The following MSI1 variants were observed in gnomAD, a reference collection of about 807,000 sequenced individuals.
The protein encoded by MSI1 is musashi RNA binding protein 1, also known as RNA-binding protein Musashi homolog 1.
MSI1 carries 15 observed loss-of-function variants against 54.4 expected under a neutral mutation model. That is an observed-to-expected ratio of 0.28 (90% CI 0.18 to 0.42). The LOEUF is 0.42. Among genes scored for constraint, MSI1 ranks in the 20% least tolerant of loss-of-function variants. MSI1 has a pLI of 1.00. For synonymous variants in MSI1, 200 were observed against 196.5 expected (o/e 1.02, Z -0.15); for missense variants, 304 against 506.0 (o/e 0.60, Z 3.83).
At chr12:120,340,131 G>A (rs1435994815), downstream of MSI1, among the ~76,000 whole-genome samples, 1 of 149,976 alleles carries the variant, frequency 6.7e-6, no homozygotes, top group African/African-American at 2.5e-5. Context: ...CCGTCACCCA[G>A]GCTGGAGTGC....
chr12:120,355,127 C>T (rs1009589513), intron 9 of MSI1, among the ~76,000 whole-genome samples: 34 of 151,208 alleles, frequency 2.2e-4, no homozygotes, highest in African/African-American at 7.5e-4. Flanking sequence ...GTATCAAGGC[C>T]GGGCGCGGTG....
rs536384120 is a variant in MSI1, at chr12:120,346,180, G to A, written c.1002C>T (p.Ser334=). The change falls in exon 13 of 15, where the codon AGC becomes AGT. Residue 334 remains serine (S), a synonymous_variant. Transcript: ENST00000257552. ...CGGTGCTGGGGGCAGGGCTGGCGGC[G>A]CTGATGTAACTGCTGACCCCCGAGT... ...NQDSGVSSYI[S]AASPAPSTGF... 6.1e-5 allele frequency: 97 copies of A among 1,598,854 alleles called. No homozygotes were observed. The Middle Eastern group carries it at 8.5e-4, about 14-fold the overall frequency.
intron 6 of MSI1, among the ~76,000 whole-genome samples, chr12:120,361,904 G>T (rs1432768235): frequency 6.6e-6 from 1 of 151,890 alleles, no homozygotes; most frequent in Non-Finnish European, 1.5e-5. Context: ...CCATGGCAAC[G>T]CCGGCCCCGG....
rs1874809494 is a variant in MSI1 at position 120,353,374 on chromosome 12, G to A, written c.658C>T (p.Pro220Ser). Reference protein sequence around the residue: ...FMLGIGMLGYPGFQATTYASR... With the variant: ...FMLGIGMLGYSGFQATTYASR... ...GCGTAGGTTGTGGCTTGGAAACCTGGGTAACCTGATGGGGCAAGGGGGCAG... is the reference window on the plus strand; with the variant it reads ...GCGTAGGTTGTGGCTTGGAAACCTGAGTAACCTGATGGGGCAAGGGGGCAG... Residue 220 changes from proline to serine, a missense_variant, in exon 10 of 15, where the codon CCA (proline) becomes TCA (serine). Coordinates refer to ENST00000257552, the MANE Select transcript of MSI1 (RefSeq NM_002442.4). 6.2e-7 allele frequency: 1 copy of A among 1,613,904 alleles called. No homozygotes were observed. Among genetic ancestry groups the A allele is most frequent in the South Asian group, 1.1e-5 (1 of 91,080 alleles).
intron 6 of MSI1, 129 bp from the exon 7 acceptor site, chr12:120,359,182 A>G: frequency 9.4e-7 from 1 of 1,063,894 alleles, no homozygotes; most frequent in East Asian, 2.6e-5. Context: ...TGCTCCCTGC[A>G]CAGGGGACAA....
At chr12:120,343,212 A>T (rs1873839419) in intron 14 of MSI1, 107 bp from the exon 15 acceptor site, 1 of 151,058 alleles carries the variant, frequency 6.6e-6, no homozygotes, top group African/African-American at 2.4e-5. Context: ...TCTTCTTCTT[A>T]TTTTTTTAGA....
intron 7 of MSI1, among the ~76,000 whole-genome samples, 179 bp downstream of exon 7, chr12:120,358,826 G>A (rs780293967): frequency 2.0e-5 from 3 of 152,140 alleles, no homozygotes; most frequent in African/African-American, 7.2e-5. Flanking sequence ...TCTGCAATTC[G>A]GCAAGTTTCT....
At chr12:120,362,999 T>G (rs372529681) in intron 6 of MSI1, 44 bp downstream of exon 6, 1 of 1,516,566 alleles carries the variant, frequency 6.6e-7, no homozygotes. Context: ...CATTCTACAG[T>G]GTGTTCACAG....
At chr12:120,357,083 T>C in intron 8 of MSI1, 64 bp from the exon 9 acceptor site, 1 of 1,395,048 alleles carries the variant, frequency 7.2e-7, no homozygotes, top group Non-Finnish European at 1.0e-6. Context: ...TCTTGTTCCC[T>C]GGAAAGCCCC....
At chr12:120,347,988 C>T (rs772605729) in intron 11 of MSI1, among the ~76,000 whole-genome samples, 11 of 152,296 alleles carry the variant, frequency 7.2e-5, no homozygotes, top group Admixed American at 3.9e-4. Flanking sequence ...GCCTGCTGCC[C>T]CCAGGTAGAG....
intron 11 of MSI1, among the ~76,000 whole-genome samples, chr12:120,349,963 G>C (rs546460825): frequency 2.0e-5 from 3 of 152,192 alleles, no homozygotes; most frequent in Admixed American, 2.0e-4. Context: ...TGCGAGTTCT[G>C]TGAGATCAGG....
intron 5 of MSI1, 92 bp from the exon 6 acceptor site, chr12:120,363,227 T>G: frequency 9.7e-7 from 1 of 1,035,132 alleles, no homozygotes. Context: ...GGATGCCAGC[T>G]GACAAGCTCT....
At chr12:120,343,672 T>C (rs1873877315) in intron 14 of MSI1, among the ~76,000 whole-genome samples, 1 of 152,234 alleles carries the variant, frequency 6.6e-6, no homozygotes, top group African/African-American at 2.4e-5. Flanking sequence ...AATTATCTCA[T>C]ATGTTCACTT....
rs1306462048 is a variant in MSI1 at position 120,342,519 on chromosome 12, GGGA to G, written c.*605_*607del. 7.2e-5 allele frequency: 11 copies of G among 152,546 alleles called. No homozygotes were observed. Among genetic ancestry groups the G allele is most frequent in the Admixed American group, 2.0e-4 (3 of 15,284 alleles). The allele number at this position is 152,546 out of a possible 1,614,324, so 9.4% of individuals were successfully genotyped here. On this transcript the variant is annotated 3_prime_UTR_variant, in exon 15 of 15. Transcript: ENST00000257552. The stretch of plus-strand genomic sequence containing the variant: ...CCCTGCCCTCCTCTCCAGGGCTGGA[GGGA>G]GGCGGCCAGGGGCCCACACCCAGAT...
chr12:120,360,899 C>T (rs962723687), intron 6 of MSI1, among the ~76,000 whole-genome samples: 1 of 152,042 alleles, frequency 6.6e-6, no homozygotes, highest in African/African-American at 2.4e-5. Flanking sequence ...AAGCAATCCT[C>T]CCATCTCACC....
chr12:120,358,647 G>A (rs151058503), intron 7 of MSI1, among the ~76,000 whole-genome samples: 1,687 of 152,212 alleles, frequency 0.011, 28 homozygotes, highest in African/African-American at 0.039. Context: ...GGCAGGAGGT[G>A]ACTGCCTGGG....
chr12:120,355,929 C>T lies in MSI1; in HGVS notation c.652+973G>A, dbSNP rs143202828. On this transcript the variant is annotated intron_variant, in intron 9 of 14. Transcript: ENST00000257552. ...ACTCCCCCATGCCTGGCATAAAGAC[C>T]CCCTTGTACTGTTCTCTTTCTGTGT... Among the ~76,000 whole-genome samples the T allele has an allele frequency of 1.6e-3, 250 of 152,084 alleles. 2 individuals carry two copies. The highest frequency in any genetic ancestry group is 1.9e-3 in the Non-Finnish European group (126 of 67,988).
intron 13 of MSI1, 24 bp downstream of exon 13, chr12:120,346,111 G>A (rs762231279): frequency 6.6e-7 from 1 of 1,506,396 alleles, no homozygotes; most frequent in Non-Finnish European, 8.9e-7. Flanking sequence ...GGTGAGGTGG[G>A]GGCCGCTAGG....
chr12:120,361,591 G>C (rs929838980), intron 6 of MSI1: 3 of 152,518 alleles, frequency 2.0e-5, no homozygotes, highest in Non-Finnish European at 4.4e-5. Flanking sequence ...GGGATCGGGC[G>C]GGGGGAGGGG....
Sources: allele counts gnomAD v4.1 joint callset (sites outside exome capture counted in the v4.1 genomes callset), GRCh38; gene constraint gnomAD v4.1.1; transcripts MANE v1.5; gene names NCBI Gene and HGNC (gene_info 2026-07-23, HGNC 2026-07-21).